NUDT4: variants seen among roughly 807,000 people sequenced by gnomAD.
The protein encoded by NUDT4 is nudix hydrolase 4.
NUDT4 carries 5 observed loss-of-function variants against 23.1 expected under a neutral mutation model. The ratio of observed to expected loss-of-function variants is 0.22; its 90% CI spans 0.11 to 0.46. The LOEUF (loss-of-function observed/expected upper bound fraction) is 0.46, where lower values mean the gene tolerates loss of function less well. Ranked by LOEUF, NUDT4 falls within the 20% of genes least tolerant of loss-of-function variation. The probability of loss-of-function intolerance (pLI) is 0.99; values close to 1 mark genes in which losing one functional copy is unlikely to be tolerated. For missense variants in NUDT4, 96 were observed against 211.6 expected (o/e 0.45, Z 3.39); for synonymous variants, 50 against 79.0 (o/e 0.63, Z 1.95).
At chr12:93,381,786 G>A (rs1875679112) in intron 1 of NUDT4, among the ~76,000 whole-genome samples, 1 of 152,196 alleles carries the variant, frequency 6.6e-6, no homozygotes, top group African/African-American at 2.4e-5. Context: ...CAAGAACAAA[G>A]TTTTGTTTTG....
rs563214596 is a variant in NUDT4 at position 93,404,566 on chromosome 12, C to T, written c.*5187C>T. Reference sequence around the variant, plus strand: ...ATGAAACTGGTACCAATTTAATATTCAAATGTGATTAAGTCATGGCAATCT... The same window carrying T: ...ATGAAACTGGTACCAATTTAATATTTAAATGTGATTAAGTCATGGCAATCT... On this transcript the variant is annotated 3_prime_UTR_variant, in exon 5 of 5. Transcript: ENST00000415493. The T allele has an allele frequency of 3.3e-5, 5 of 152,244 alleles. No homozygotes were observed. The highest frequency in any genetic ancestry group is 1.2e-4 in the African/African-American group (5 of 41,556). 9.4% of individuals were successfully genotyped at this position (152,244 alleles called of 1,614,324 possible).
At chr12:93,378,678 G>T in intron 1 of NUDT4, 1 of 1,172,212 alleles carries the variant, frequency 8.5e-7, no homozygotes, top group Non-Finnish European at 1.1e-6. Flanking sequence ...TGGTCCCCGG[G>T]AAGGTCCCGG....
intron 1 of NUDT4, among the ~76,000 whole-genome samples, chr12:93,384,814 A>T (rs9919710): frequency 0.29 from 43,282 of 151,642 alleles, 6,737 homozygotes; most frequent in East Asian, 0.61. Flanking sequence ...TGGAGTGCAG[A>T]GGCGTGACCT....
rs994469985 is a variant in NUDT4, at chr12:93,405,301, C to A, written c.*5922C>A. On this transcript the variant is annotated 3_prime_UTR_variant, in exon 5 of 5. Coordinates refer to ENST00000415493, the MANE Select transcript of NUDT4 (RefSeq NM_019094.6). ...ATCATGGAACTATTTCAAAAGCAGT[C>A]ATATGGTAAGATGGATCAGGAGTCT... The A allele has an allele frequency of 2.0e-5, 3 of 151,990 alleles. No homozygotes were observed. The highest frequency in any genetic ancestry group is 7.2e-5 in the African/African-American group (3 of 41,396). 9.4% of individuals were successfully genotyped at this position (151,990 alleles called of 1,614,324 possible).
At chr12:93,399,118 TTA>T in intron 4 of NUDT4, 57 bp from the exon 5 acceptor site, 3 of 1,278,160 alleles carry the variant, frequency 2.3e-6, no homozygotes, top group Non-Finnish European at 3.4e-6. Flanking sequence ...TGGACATTAC[TTA>T]TATGGCTTAC....
At chr12:93,392,252 C>CA (rs1194540410) in intron 1 of NUDT4, among the ~76,000 whole-genome samples, 1 of 139,212 alleles carries the variant, frequency 7.2e-6, no homozygotes, top group East Asian at 2.4e-4. Context: ...TTCCCCCCCC[C>CA]CCTTTTTTTT....
chr12:93,394,017 G>GT (rs1215842538), intron 1 of NUDT4, among the ~76,000 whole-genome samples: 2 of 151,812 alleles, frequency 1.3e-5, no homozygotes, highest in Admixed American at 1.3e-4. Context: ...TCTGTTTTTT[G>GT]TTTTTTTGAG....
At chr12:93,397,609 G>A (rs542273323) in intron 3 of NUDT4, among the ~76,000 whole-genome samples, 3 of 151,860 alleles carry the variant, frequency 2.0e-5, no homozygotes, top group Non-Finnish European at 2.9e-5. Context: ...TCATCGCCAC[G>A]TCCGCCTCCT....
rs1877613289 is a variant in NUDT4 at position 93,403,413 on chromosome 12, G to A, written c.*4034G>A. 1.3e-5 allele frequency: 2 copies of A among 152,178 alleles called. No homozygotes were observed. Among genetic ancestry groups the A allele is most frequent in the Non-Finnish European group, 2.9e-5 (2 of 68,086 alleles). 9.4% of individuals were successfully genotyped at this position (152,178 alleles called of 1,614,324 possible). A position where few individuals can be genotyped will look rare whatever the true frequency, so the allele number is the denominator to read the frequency against. On this transcript the variant is annotated 3_prime_UTR_variant, in exon 5 of 5. Transcript: ENST00000415493. Reference sequence around the variant, plus strand: ...AGCTTACTGTAACCTCCGCCTGCCAGGTTCAAGCGATTCTCCTGCCTCATC... The same window carrying A: ...AGCTTACTGTAACCTCCGCCTGCCAAGTTCAAGCGATTCTCCTGCCTCATC...
rs542374466 is a variant in NUDT4, at chr12:93,405,086, T to C, written c.*5707T>C. The C allele has an allele frequency of 6.6e-6, 1 of 152,266 alleles. No individual in the cohort carries two copies. The highest frequency in any genetic ancestry group is 2.1e-4 in the South Asian group (1 of 4,818). The allele number at this position is 152,266 out of a possible 1,614,324, so 9.4% of individuals were successfully genotyped here. A position where few individuals can be genotyped will look rare whatever the true frequency, so the allele number is the denominator to read the frequency against. On this transcript the variant is annotated 3_prime_UTR_variant, in exon 5 of 5. Coordinates refer to ENST00000415493, the MANE Select transcript of NUDT4 (RefSeq NM_019094.6). ...ATTGTAATAACTTGGACTTACTTGG[T>C]TGCTCAGTCCTGATGTGTCCTGTTA... is the stretch of plus-strand genomic sequence containing the variant.
chr12:93,405,301 CAT>C lies in NUDT4; in HGVS notation c.*5925_*5926del, dbSNP rs1306503440. 6.6e-6 allele frequency: 1 copy of C among 151,990 alleles called. No homozygotes were observed. Among genetic ancestry groups the C allele is most frequent in the African/African-American group, 2.4e-5 (1 of 41,396 alleles). The allele number at this position is 151,990 out of a possible 1,614,324, so 9.4% of individuals were successfully genotyped here. A position where few individuals can be genotyped will look rare whatever the true frequency, so the allele number is the denominator to read the frequency against. ...ATCATGGAACTATTTCAAAAGCAGT[CAT>C]ATGGTAAGATGGATCAGGAGTCTTT... is the stretch of plus-strand genomic sequence containing the variant. On this transcript the variant is annotated 3_prime_UTR_variant, in exon 5 of 5. Transcript: ENST00000415493.
chr12:93,387,761 C>G (rs1876214579), intron 1 of NUDT4, among the ~76,000 whole-genome samples: 1 of 152,156 alleles, frequency 6.6e-6, no homozygotes, highest in Non-Finnish European at 1.5e-5. Flanking sequence ...AGCTATCACA[C>G]TAGTTGGCCT....
At chr12:93,391,589 T>C (rs1262875694) in intron 1 of NUDT4, among the ~76,000 whole-genome samples, 1 of 150,416 alleles carries the variant, frequency 6.6e-6, no homozygotes, top group Non-Finnish European at 1.5e-5. Flanking sequence ...GTACAAAAAT[T>C]AGCCAGGCCT....
At chr12:93,379,814 C>T (rs1026435531) in intron 1 of NUDT4, among the ~76,000 whole-genome samples, 3 of 152,132 alleles carry the variant, frequency 2.0e-5, no homozygotes, top group African/African-American at 7.2e-5. Context: ...AAAGCCTTAG[C>T]GGAAAGGGGC....
At chr12:93,385,109 G>A (rs889576700) in intron 1 of NUDT4, 2 of 152,158 alleles carry the variant, frequency 1.3e-5, no homozygotes, top group Admixed American at 6.5e-5. Flanking sequence ...TTCTCCAAAT[G>A]CTTAAAACCT....
chr12:93,377,935 G>C lies in NUDT4; in HGVS notation c.-388G>C, dbSNP rs1178195816. ...GAGGGGGCGGCGCGCGGTCGCCGCGGTGCTGCTGCTCAGTGGGAGCGGGTC... is the reference window on the plus strand; with the variant it reads ...GAGGGGGCGGCGCGCGGTCGCCGCGCTGCTGCTGCTCAGTGGGAGCGGGTC... On this transcript the variant is annotated 5_prime_UTR_variant, in exon 1 of 5. Coordinates refer to ENST00000415493, the MANE Select transcript of NUDT4 (RefSeq NM_019094.6). 1 of 315,572 alleles carries C rather than the reference G, an allele frequency of 3.2e-6. No individual in the cohort carries two copies. Among genetic ancestry groups the C allele is most frequent in the Admixed American group, 4.1e-5 (1 of 24,100 alleles). The allele number at this position is 315,572 out of a possible 1,614,324, so 19.5% of individuals were successfully genotyped here. A position where few individuals can be genotyped will look rare whatever the true frequency, so the allele number is the denominator to read the frequency against.
intron 1 of NUDT4, 193 bp downstream of exon 1, chr12:93,378,614 C>G: frequency 8.1e-7 from 1 of 1,238,534 alleles, no homozygotes; most frequent in Non-Finnish European, 1.0e-6. Flanking sequence ...ATAGATGAGA[C>G]AAAGGGGGCT....
intron 1 of NUDT4, among the ~76,000 whole-genome samples, chr12:93,379,497 A>T (rs1246770630): frequency 6.6e-6 from 1 of 152,224 alleles, no homozygotes; most frequent in Admixed American, 6.5e-5. Context: ...GATGAATATG[A>T]CACAGAATAC....
At chr12:93,392,248 C>G (rs995137502) in intron 1 of NUDT4, among the ~76,000 whole-genome samples, 3 of 137,534 alleles carry the variant, frequency 2.2e-5, no homozygotes, top group African/African-American at 7.8e-5. Flanking sequence ...TTGTTTCCCC[C>G]CCCCCCTTTT....
Sources: gnomAD v4.1 joint callset for allele counts (sites outside exome capture counted in the v4.1 genomes callset) on GRCh38, gnomAD v4.1.1 for gene constraint, MANE v1.5 for transcripts, NCBI Gene and HGNC (gene_info 2026-07-23, HGNC 2026-07-21) for gene names.